Variants in RALGAPA2 observed in about 807,000 individuals in gnomAD.
The protein encoded by RALGAPA2 is Ral GTPase activating protein catalytic subunit alpha 2, also known as ral GTPase-activating protein subunit alpha-2.
A neutral mutation model predicts 230.4 loss-of-function variants in RALGAPA2; 139 were observed. The ratio of observed to expected loss-of-function variants is 0.60; its 90% CI spans 0.53 to 0.69. The LOEUF is 0.69. RALGAPA2 is among the 30% of genes least tolerant of loss of function. The probability of loss-of-function intolerance (pLI) is 0.00; values close to 1 mark genes in which losing one functional copy is unlikely to be tolerated. For synonymous variants in RALGAPA2, 847 were observed against 837.8 expected, an observed-to-expected ratio of 1.01 and a Z score of -0.19; for missense variants, 2,163 against 2,276.0, an observed-to-expected ratio of 0.95 and a Z score of 1.01.
chr20:20,447,504 T>C (rs1367755545), intron 37 of RALGAPA2, among the ~76,000 whole-genome samples: 3 of 152,200 alleles, frequency 2.0e-5, no homozygotes, highest in Non-Finnish European at 2.9e-5. Flanking sequence ...GCAGATGTCC[T>C]GTCAAGGCAG....
intron 6 of RALGAPA2, among the ~76,000 whole-genome samples, chr20:20,640,137 C>A (rs1337840630): frequency 6.6e-6 from 1 of 152,098 alleles, no homozygotes; most frequent in Non-Finnish European, 1.5e-5. Context: ...TTTGGTCAGC[C>A]CAAGATCAAA....
intron 3 of RALGAPA2, among the ~76,000 whole-genome samples, chr20:20,669,387 C>A (rs2068061428): frequency 6.6e-6 from 1 of 152,160 alleles, no homozygotes; most frequent in African/African-American, 2.4e-5. Context: ...AAGGATGCCC[C>A]TCCAAGGGTT....
At position 20,712,619 on chromosome 20, in the gene RALGAPA2, GC is replaced by G; in HGVS notation, c.-140del. On this transcript the variant is annotated 5_prime_UTR_variant, in exon 1 of 40. Coordinates refer to ENST00000202677, the MANE Select transcript of RALGAPA2 (RefSeq NM_020343.4). The surrounding 1 kb of genome is among the most constrained non-coding windows in gnomAD (Gnocchi z 5.5). ...CCCCGCTGCTGCCGCCGCCGCCGCC[GC>G]CGCCGCCGCCTCAGCTGTGTCTCCA... 1 of 1,190,704 alleles carries G rather than the reference GC, an allele frequency of 8.4e-7. No homozygotes were observed. The highest frequency in any genetic ancestry group is 3.8e-5 in the South Asian group (1 of 26,220). The allele number at this position is 1,190,704 out of a possible 1,614,324, so 73.8% of individuals were successfully genotyped here.
chr20:20,584,325 G>A lies in RALGAPA2; in HGVS notation c.2530+540C>T, dbSNP rs547008589. ...TCTGGGGAAGATAATTTTTCTCTCC[G>A]GTCTATCTGCTCACTCATGCCATCA... is the stretch of plus-strand genomic sequence containing the variant. On this transcript the variant is annotated intron_variant, in intron 19 of 39. Transcript: ENST00000202677. Among the ~76,000 whole-genome samples, 10 of 152,076 alleles carry A rather than the reference G, an allele frequency of 6.6e-5. No individual in the cohort carries two copies. The South Asian group carries it at 1.5e-3, about 22-fold the overall frequency.
chr20:20,636,328 G>A (rs1260647696), intron 8 of RALGAPA2, among the ~76,000 whole-genome samples: 1 of 152,142 alleles, frequency 6.6e-6, no homozygotes, highest in African/African-American at 2.4e-5. Flanking sequence ...ATACCTGTAT[G>A]AGGCAGAAAA....
chr20:20,492,206 G>GT lies in RALGAPA2; in HGVS notation c.5367+2910dup, dbSNP rs1012793330. Among the ~76,000 whole-genome samples the GT allele has an allele frequency of 4.6e-5, 7 of 151,272 alleles. No homozygotes were observed. In the South Asian group the frequency reaches 8.4e-4, roughly 18 times the overall value. ...AGCAAGACTTTTGTGTACTGATGAG[G>GT]TTTTTTTTTCTCCCAAAAAAGGATT... On this transcript the variant is annotated intron_variant, in intron 36 of 39. Transcript: ENST00000202677.
At chr20:20,452,266 T>G (rs551396687) in intron 37 of RALGAPA2, among the ~76,000 whole-genome samples, 88 of 152,220 alleles carry the variant, frequency 5.8e-4, no homozygotes, top group Non-Finnish European at 9.0e-4. Context: ...TTTTATATAG[T>G]GACCCAAAAG....
At chr20:20,585,617 C>A (rs2065111536) in intron 18 of RALGAPA2, among the ~76,000 whole-genome samples, 1 of 152,110 alleles carries the variant, frequency 6.6e-6, no homozygotes, top group African/African-American at 2.4e-5. Context: ...ATTGGCTCAG[C>A]TTTATAGGAG....
At chr20:20,395,565 C>T (rs1176348086) in intron 39 of RALGAPA2, among the ~76,000 whole-genome samples, 1 of 152,190 alleles carries the variant, frequency 6.6e-6, no homozygotes, top group Non-Finnish European at 1.5e-5. Context: ...CTGTACAACC[C>T]TTCTCTGCCC....
At chr20:20,627,263 A>T (rs1278211380) in intron 10 of RALGAPA2, among the ~76,000 whole-genome samples, 1 of 152,162 alleles carries the variant, frequency 6.6e-6, no homozygotes, top group Non-Finnish European at 1.5e-5. Flanking sequence ...GGAGAGGGAG[A>T]TGGGGAACCT....
chr20:20,410,855 C>T (rs2060044818), intron 38 of RALGAPA2, among the ~76,000 whole-genome samples: 1 of 152,166 alleles, frequency 6.6e-6, no homozygotes, highest in Non-Finnish European at 1.5e-5. Flanking sequence ...ATGCAAATCA[C>T]GCTGCTCCTG....
In RALGAPA2 at chr20:20,512,971, G is replaced by A; in HGVS notation, c.4398C>T (p.Ile1466=). Residue 1466 remains isoleucine (I), a synonymous_variant, in exon 32 of 40, where the codon ATC becomes ATT. Coordinates refer to ENST00000202677, the MANE Select transcript of RALGAPA2 (RefSeq NM_020343.4). ...TACCATCCCAAGAGTACTTCCCTGA[G>A]ATATCCCTCACAATTACTCTCACAT... ...LSDVRVIVRD[I]SGKYSWDGKV... 6.2e-7 allele frequency: 1 copy of A among 1,613,782 alleles called. No individual in the cohort carries two copies. Among genetic ancestry groups the A allele is most frequent in the Non-Finnish European group, 8.5e-7 (1 of 1,179,742 alleles).
At chr20:20,460,165 C>A (rs751774179) in intron 37 of RALGAPA2, among the ~76,000 whole-genome samples, 1 of 151,986 alleles carries the variant, frequency 6.6e-6, no homozygotes, top group African/African-American at 2.4e-5. Flanking sequence ...GCTGGGAGAA[C>A]GAGCGAGGGG....
At chr20:20,648,398 C>A (rs141653772) in intron 4 of RALGAPA2, among the ~76,000 whole-genome samples, 1 of 151,716 alleles carries the variant, frequency 6.6e-6, no homozygotes, top group Admixed American at 6.6e-5. Flanking sequence ...AGGAAACTTT[C>A]GGGGGTAGTA....
intron 15 of RALGAPA2, among the ~76,000 whole-genome samples, chr20:20,602,732 C>T (rs778013926): frequency 1.3e-5 from 2 of 152,056 alleles, no homozygotes; most frequent in Non-Finnish European, 2.9e-5. Context: ...ACAGTGTTTT[C>T]GAAGTTGTTT....
chr20:20,645,325 G>A (rs1464149455), intron 4 of RALGAPA2, among the ~76,000 whole-genome samples: 1 of 151,850 alleles, frequency 6.6e-6, no homozygotes, highest in East Asian at 1.9e-4. Flanking sequence ...TGTTAGCCAG[G>A]CTGATCTCAA....
chr20:20,649,397 C>T lies in RALGAPA2; in HGVS notation c.328+4133G>A, dbSNP rs547336509. 2.0e-5 allele frequency among the ~76,000 whole-genome samples: 3 copies of T among 152,282 alleles called. No individual in the cohort carries two copies. In the East Asian group the frequency reaches 5.8e-4, roughly 29 times the overall value. On this transcript the variant is annotated intron_variant, in intron 4 of 39. Coordinates refer to ENST00000202677, the MANE Select transcript of RALGAPA2 (RefSeq NM_020343.4). ...TCACATCCCAGGCAATGTGGGGCCA[C>T]TGGTTAGTCCCAGGCCCAAAGCCTG...
chr20:20,584,771 A>T, intron 19 of RALGAPA2, 94 bp downstream of exon 19: 1 of 1,009,226 alleles, frequency 9.9e-7, no homozygotes, highest in Non-Finnish European at 1.4e-6. Flanking sequence ...AAAGAGTGAG[A>T]CTGAGTCTCT....
intron 23 of RALGAPA2, among the ~76,000 whole-genome samples, chr20:20,559,485 C>A (rs1272495599): frequency 6.6e-6 from 1 of 152,214 alleles, no homozygotes; most frequent in Admixed American, 6.5e-5. Context: ...CTACACCTGT[C>A]CTGCCCATCG....
Sources: gnomAD v4.1 joint callset for allele counts (sites outside exome capture counted in the v4.1 genomes callset) on GRCh38, gnomAD v4.1.1 for gene constraint, Gnocchi (gnomAD v3.1) non-coding constraint, MANE v1.5 for transcripts, NCBI Gene and HGNC (gene_info 2026-07-23, HGNC 2026-07-21) for gene names.